Variants in TLL2 observed in about 807,000 individuals in gnomAD.
TLL2 encodes the protein tolloid like 2.
TLL2 carries 106 observed loss-of-function variants against 123.0 expected under a neutral mutation model. The observed-to-expected ratio is 0.86, with a 90% CI of 0.74 to 1.01. The LOEUF is 1.01. Among genes scored for constraint, TLL2 ranks in the 50% least tolerant of loss-of-function variants. The pLI is 0.00. For synonymous variants in TLL2, 494 were observed against 516.8 expected, an observed-to-expected ratio of 0.96 and a Z score of 0.60; for missense variants, 1,332 against 1,336.7, an observed-to-expected ratio of 1.00 and a Z score of 0.06.
In TLL2 at chr10:96,497,102, G is replaced by A. The variant is rs552959330; in HGVS notation, c.175+16409C>T. On this transcript the variant is annotated intron_variant, in intron 1 of 20. Transcript: ENST00000357947. The stretch of plus-strand genomic sequence containing the variant: ...TTAAAACTAGCCTGGGAAACATAGC[G>A]AAACCCTGTCTCTGCTAAAAAAAAA... Among the ~76,000 whole-genome samples the A allele has an allele frequency of 5.9e-5, 9 of 151,450 alleles. No individual in the cohort carries two copies. The South Asian group carries it at 6.3e-4, about 11-fold the overall frequency.
intron 2 of TLL2, among the ~76,000 whole-genome samples, chr10:96,451,787 C>T (rs574186199): frequency 6.6e-6 from 1 of 152,282 alleles, no homozygotes; most frequent in South Asian, 2.1e-4. Flanking sequence ...GGACACACCG[C>T]CATTGGGTGG....
Position 96,368,233 on chromosome 10 carries a change from G to C in TLL2, c.2914-11C>G. 1.2e-6 allele frequency: 2 copies of C among 1,613,306 alleles called. No individual in the cohort carries two copies. The highest frequency in any genetic ancestry group is 2.2e-5 in the South Asian group (2 of 91,050). On this transcript the variant is annotated splice_polypyrimidine_tract_variant and intron_variant, in intron 20 of 20. Coordinates refer to ENST00000357947, the MANE Select transcript of TLL2 (RefSeq NM_012465.4). ...GATTTCTTCTAATGGCTGAGGAAAG[G>C]AGAAAGGGAAACGAGAAGGACTTTA...
chr10:96,468,011 G>A lies in TLL2; in HGVS notation c.286+12338C>T, dbSNP rs113322256. Among the ~76,000 whole-genome samples, 213 of 152,210 alleles carry A rather than the reference G, an allele frequency of 1.4e-3. 2 individuals carry two copies. The highest frequency in any genetic ancestry group is 2.1e-3 in the Non-Finnish European group (143 of 68,020). On this transcript the variant is annotated intron_variant, in intron 2 of 20. Coordinates refer to ENST00000357947, the MANE Select transcript of TLL2 (RefSeq NM_012465.4). ...ACAGCATTATAAATGGCCATGTGGG[G>A]GTGGTACTCCCAGGCTTGGTCCTTA...
intron 5 of TLL2, among the ~76,000 whole-genome samples, chr10:96,427,276 T>C (rs1286094644): frequency 1.3e-5 from 2 of 152,230 alleles, no homozygotes; most frequent in African/African-American, 4.8e-5. Flanking sequence ...GCTTAATAGA[T>C]GGGCCATTTA....
intron 9 of TLL2, among the ~76,000 whole-genome samples, chr10:96,409,215 G>T (rs1468825626): frequency 1.3e-5 from 2 of 152,194 alleles, no homozygotes; most frequent in East Asian, 1.9e-4. Context: ...TACTTGTCAG[G>T]TGACCATTCT....
intron 3 of TLL2, among the ~76,000 whole-genome samples, chr10:96,433,599 T>C (rs1412925773): frequency 1.3e-5 from 2 of 152,182 alleles, no homozygotes; most frequent in African/African-American, 4.8e-5. Context: ...CTGAAATCCA[T>C]GGACACCAGT....
chr10:96,503,280 G>A (rs774252990), intron 1 of TLL2, among the ~76,000 whole-genome samples: 3 of 152,126 alleles, frequency 2.0e-5, no homozygotes, highest in African/African-American at 4.8e-5. Flanking sequence ...ATAATACTAT[G>A]AGTAATAATA....
rs1846007784 is a variant in TLL2 at position 96,364,743 on chromosome 10, A to C, written c.*3345T>G. On this transcript the variant is annotated 3_prime_UTR_variant, in exon 21 of 21. Transcript: ENST00000357947. ...AAATAAAAAATACCCATATGTTTAC[A>C]TATAATACTTTAAACAATTTTCCTT... is the stretch of plus-strand genomic sequence containing the variant. The C allele has an allele frequency of 6.5e-6, 1 of 152,710 alleles. No homozygotes were observed. The highest frequency in any genetic ancestry group is 1.5e-5 in the Non-Finnish European group (1 of 68,054). The allele number at this position is 152,710 out of a possible 1,614,324, so 9.5% of individuals were successfully genotyped here. A position where few individuals can be genotyped will look rare whatever the true frequency, so the allele number is the denominator to read the frequency against.
At chr10:96,382,157 G>A (rs184186794) in intron 16 of TLL2, among the ~76,000 whole-genome samples, 2 of 152,094 alleles carry the variant, frequency 1.3e-5, no homozygotes, top group East Asian at 1.9e-4. Context: ...TCAGCCTCCC[G>A]AGTAGCTGGG....
At chr10:96,377,975 C>G (rs1846152703) in intron 17 of TLL2, among the ~76,000 whole-genome samples, 1 of 152,240 alleles carries the variant, frequency 6.6e-6, no homozygotes, top group Admixed American at 6.5e-5. Flanking sequence ...AGGAGGCAAG[C>G]CTGGTCCTGG....
Position 96,410,535 on chromosome 10 carries a change from C to G in TLL2, c.1049-61G>C. 4 of 1,366,068 alleles carry G rather than the reference C, an allele frequency of 2.9e-6. No individual in the cohort carries two copies. In the South Asian group the frequency reaches 3.6e-5, roughly 12 times the overall value. The allele number at this position is 1,366,068 out of a possible 1,614,324, so 84.6% of individuals were successfully genotyped here. Reference sequence around the variant, plus strand: ...TGCACCTCTCCCCGCCCAAGCAGCTCCCGCACGGGGCAGCGGAGCAAACAT... The same window carrying G: ...TGCACCTCTCCCCGCCCAAGCAGCTGCCGCACGGGGCAGCGGAGCAAACAT... On this transcript the variant is annotated intron_variant, in intron 8 of 20. Transcript: ENST00000357947.
intron 1 of TLL2, among the ~76,000 whole-genome samples, chr10:96,509,033 T>G (rs1589439986): frequency 6.6e-6 from 1 of 152,006 alleles, no homozygotes; most frequent in South Asian, 2.1e-4. Context: ...GCACTTAGAA[T>G]CCAGCTGCCA....
chr10:96,439,302 T>C (rs1000557246), intron 3 of TLL2, among the ~76,000 whole-genome samples: 7 of 150,822 alleles, frequency 4.6e-5, no homozygotes, highest in Non-Finnish European at 1.0e-4. Context: ...GGTTTCACTA[T>C]GTTGGCCAGG....
chr10:96,391,555 A>G (rs1051027475), intron 13 of TLL2, among the ~76,000 whole-genome samples: 2 of 152,178 alleles, frequency 1.3e-5, no homozygotes, highest in African/African-American at 4.8e-5. Context: ...GTGGAATCCT[A>G]CAGATCCAGG....
intron 1 of TLL2, among the ~76,000 whole-genome samples, chr10:96,505,105 G>T (rs1233099863): frequency 6.6e-6 from 1 of 152,264 alleles, no homozygotes; most frequent in Non-Finnish European, 1.5e-5. Flanking sequence ...TTGACTCGCA[G>T]TTCTGCATGG....
At chr10:96,497,748 G>A (rs1241842038) in intron 1 of TLL2, among the ~76,000 whole-genome samples, 2 of 152,144 alleles carry the variant, frequency 1.3e-5, no homozygotes, top group Non-Finnish European at 2.9e-5. Flanking sequence ...TGGCCCCTTC[G>A]TGAAGGTCTC....
chr10:96,385,153 A>T (rs1441213161), intron 15 of TLL2, among the ~76,000 whole-genome samples: 2 of 152,170 alleles, frequency 1.3e-5, no homozygotes, highest in Non-Finnish European at 2.9e-5. Context: ...GAGGAAGAGG[A>T]GGAGGAAAAT....
Position 96,404,536 on chromosome 10 carries a change from G to A in TLL2, c.1267+696C>T, listed in dbSNP as rs543283045. Among the ~76,000 whole-genome samples, 5 of 152,248 alleles carry A rather than the reference G, an allele frequency of 3.3e-5. 1 individual carries two copies. In the South Asian group the frequency reaches 1.0e-3, roughly 32 times the overall value. ...TTTATATTGCAGATCACAAAGTGGTGTCTTCTAGTTAATTCAGCCTGTACA... is the reference window on the plus strand; with the variant it reads ...TTTATATTGCAGATCACAAAGTGGTATCTTCTAGTTAATTCAGCCTGTACA... On this transcript the variant is annotated intron_variant, in intron 10 of 20. Coordinates refer to ENST00000357947, the MANE Select transcript of TLL2 (RefSeq NM_012465.4).
At chr10:96,410,802 G>A (rs989100831) in intron 8 of TLL2, 2 of 438,908 alleles carry the variant, frequency 4.6e-6, no homozygotes, top group Non-Finnish European at 8.6e-6. Context: ...TTATCTGTAA[G>A]ATGGGCAGGA....
Sources: gnomAD v4.1 joint callset for allele counts (sites outside exome capture counted in the v4.1 genomes callset) on GRCh38, gnomAD v4.1.1 for gene constraint, MANE v1.5 for transcripts, NCBI Gene and HGNC (gene_info 2026-07-23, HGNC 2026-07-21) for gene names.